Variants in ZNF518A observed in about 807,000 individuals in gnomAD.
ZNF518A encodes zinc finger protein 518A.
A neutral mutation model predicts 102.7 loss-of-function variants in ZNF518A; 47 were observed. The ratio of observed to expected loss-of-function variants is 0.46; its 90% confidence interval spans 0.36 to 0.58. The LOEUF is 0.58. Among genes scored for constraint, ZNF518A ranks in the 20% least tolerant of loss-of-function variants. The pLI, the probability that ZNF518A is intolerant of heterozygous loss-of-function variation, is 0.00. For missense variants in ZNF518A, 1,793 were observed against 1,699.8 expected, an observed-to-expected ratio of 1.05 and a Z score of -0.96; for synonymous variants, 652 against 594.6, an observed-to-expected ratio of 1.10 and a Z score of -1.40.
At chr10:96,174,118 GTA>G (rs2083189586) in intron 1 of ZNF518A, among the ~76,000 whole-genome samples, 1 of 151,996 alleles carries the variant, frequency 6.6e-6, no homozygotes, top group Non-Finnish European at 1.5e-5. Flanking sequence ...ATATCTGTGA[GTA>G]TATTTAAAAA....
intron 3 of ZNF518A, among the ~76,000 whole-genome samples, chr10:96,147,710 C>G (rs1165802087): frequency 2.0e-5 from 3 of 152,122 alleles, no homozygotes; most frequent in Non-Finnish European, 4.4e-5. Context: ...CCTTTGTTTT[C>G]TGACCTTTTT....
In ZNF518A at chr10:96,160,123, A is replaced by G; in HGVS notation, c.3801A>G (p.Glu1267=). Residue 1267 remains glutamate, a synonymous_variant, in exon 6 of 6, where the codon GAA becomes GAG. Transcript: ENST00000316045. ...AAACTCATGGAAGTAAAGACTCTGA[A>G]ACTGCCTTTGTATCTAGAAACAGAA... ...KTKTHGSKDS[E]TAFVSRNRNC... 6.2e-7 allele frequency: 1 copy of G among 1,611,072 alleles called. No individual in the cohort carries two copies. Among genetic ancestry groups the G allele is most frequent in the Non-Finnish European group, 8.5e-7 (1 of 1,179,016 alleles).
At chr10:96,196,172 G>T (rs2083460055) in intron 1 of ZNF518A, among the ~76,000 whole-genome samples, 2 of 152,238 alleles carry the variant, frequency 1.3e-5, no homozygotes, top group Non-Finnish European at 1.5e-5. Flanking sequence ...TGCATAGATT[G>T]TTCTTCCCAT....
intron 1 of ZNF518A, chr10:96,189,764 T>G (rs1384107948): frequency 1.8e-5 from 14 of 784,290 alleles, no homozygotes; most frequent in Non-Finnish European, 2.9e-5. Flanking sequence ...ACTTTTATTC[T>G]CTGGAATCTT....
At chr10:96,131,280 A>G (rs1174180757) in intron 1 of ZNF518A, among the ~76,000 whole-genome samples, 1 of 152,216 alleles carries the variant, frequency 6.6e-6, no homozygotes, top group Non-Finnish European at 1.5e-5. Flanking sequence ...CTTTTTCTGC[A>G]GCAAGGGGTC....
At chr10:96,139,141 T>C (rs2081777257) in intron 3 of ZNF518A, among the ~76,000 whole-genome samples, 1 of 152,042 alleles carries the variant, frequency 6.6e-6, no homozygotes, top group African/African-American at 2.4e-5. Context: ...GCTGAGAATC[T>C]GTGGCAGCTT....
At chr10:96,140,463 A>G (rs1305710759) in intron 3 of ZNF518A, among the ~76,000 whole-genome samples, 3 of 152,278 alleles carry the variant, frequency 2.0e-5, no homozygotes, top group Middle Eastern at 3.4e-3. Context: ...CCCTCCCCTC[A>G]TGTATTCCAA....
chr10:96,133,225 GTAGA>G (rs2081428665), intron 2 of ZNF518A, among the ~76,000 whole-genome samples: 1 of 152,160 alleles, frequency 6.6e-6, no homozygotes, highest in Admixed American at 6.5e-5. Context: ...GATAAAGGTG[GTAGA>G]TAGATGTTTC....
downstream of ZNF518A, among the ~76,000 whole-genome samples, chr10:96,165,597 C>A (rs1554890182): frequency 3.9e-5 from 6 of 152,106 alleles, no homozygotes. Context: ...ACTTTGTCCC[C>A]CACCCCTACC....
downstream of ZNF518A, chr10:96,204,841 C>T (rs2083753617): frequency 2.0e-6 from 1 of 501,598 alleles, no homozygotes; most frequent in African/African-American, 1.9e-5. Flanking sequence ...CATCCTACCA[C>T]CTCTGCATTC....
chr10:96,135,519 C>A (rs781792657), intron 3 of ZNF518A, among the ~76,000 whole-genome samples: 2 of 152,200 alleles, frequency 1.3e-5, no homozygotes, highest in Non-Finnish European at 2.9e-5. Flanking sequence ...TTTATTTATT[C>A]ATCATTTGTG....
intron 1 of ZNF518A, among the ~76,000 whole-genome samples, chr10:96,169,458 T>C (rs1337491334): frequency 3.3e-5 from 5 of 152,248 alleles, no homozygotes; most frequent in Admixed American, 3.3e-4. Context: ...TGAGCCCCTT[T>C]ATTGAATTTT....
chr10:96,201,723 G>A (rs1310664900), intron 1 of ZNF518A, among the ~76,000 whole-genome samples: 1 of 146,814 alleles, frequency 6.8e-6, no homozygotes, highest in Non-Finnish European at 1.5e-5. Context: ...TGTGAAATAC[G>A]AAAAAGACTT....
chr10:96,198,750 G>A (rs1401345032), intron 1 of ZNF518A, among the ~76,000 whole-genome samples: 3 of 152,232 alleles, frequency 2.0e-5, no homozygotes, highest in Non-Finnish European at 4.4e-5. Context: ...CCAGGCTGGA[G>A]AGCAGTGGCA....
At chr10:96,184,176 AT>A (rs1472895484) in intron 1 of ZNF518A, among the ~76,000 whole-genome samples, 94 of 151,864 alleles carry the variant, frequency 6.2e-4, no homozygotes, top group African/African-American at 2.1e-3. Context: ...CCATCCCTTT[AT>A]TTTGAGCCTA....
intron 3 of ZNF518A, among the ~76,000 whole-genome samples, chr10:96,142,382 A>G (rs1456770557): frequency 1.3e-5 from 2 of 150,344 alleles, no homozygotes; most frequent in African/African-American, 4.9e-5. Context: ...GCAGAACCTT[A>G]TATTTTTCAG....
At chr10:96,139,516 C>T (rs1554875728) in intron 3 of ZNF518A, among the ~76,000 whole-genome samples, 1 of 152,110 alleles carries the variant, frequency 6.6e-6, no homozygotes. Context: ...TAGGCCCTCC[C>T]CAGACACCAA....
At chr10:96,144,566 A>G (rs2082084311) in intron 3 of ZNF518A, among the ~76,000 whole-genome samples, 1 of 152,226 alleles carries the variant, frequency 6.6e-6, no homozygotes, top group African/African-American at 2.4e-5. Context: ...CTCAAGCAGT[A>G]GAAAATCTAA....
chr10:96,159,217 T>C lies in ZNF518A; in HGVS notation c.2895T>C (p.Gly965=). ...GNALPLVNSQ[G]IPASLFVNKK... is the part of the protein sequence containing the mutation. ...CACTTCCATTGGTTAATTCACAAGG[T>C]ATCCCTGCTTCTCTTTTTGTAAACA... The change falls in exon 6 of 6, where the codon GGT becomes GGC. Residue 965 remains glycine (G), a synonymous_variant. Coordinates refer to ENST00000316045, the MANE Select transcript of ZNF518A (RefSeq NM_001330736.2). 6.2e-7 allele frequency: 1 copy of C among 1,613,790 alleles called. No homozygotes were observed. The highest frequency in any genetic ancestry group is 2.2e-5 in the East Asian group (1 of 44,890).
Sources: gnomAD v4.1 joint callset for allele counts (sites outside exome capture counted in the v4.1 genomes callset) on GRCh38, gnomAD v4.1.1 for gene constraint, MANE v1.5 for transcripts, NCBI Gene and HGNC (gene_info 2026-07-23, HGNC 2026-07-21) for gene names.